The following FAM110B variants were observed in gnomAD, a reference collection of about 807,000 sequenced individuals.
FAM110B encodes family with sequence similarity 110 member B.
In FAM110B, 6 loss-of-function variants were observed where a neutral mutation model predicts 20.4. The observed-to-expected ratio is 0.29, with a 90% CI of 0.16 to 0.58. The LOEUF is 0.58. FAM110B is among the 20% of genes least tolerant of loss of function. FAM110B has a pLI of 0.90. For missense variants in FAM110B, 434 were observed against 498.2 expected, an observed-to-expected ratio of 0.87 and a Z score of 1.23; for synonymous variants, 226 against 214.1, an observed-to-expected ratio of 1.06 and a Z score of -0.49.
Position 58,014,784 on chromosome 8 carries a change from C to T in FAM110B, c.-511-16822C>T, listed in dbSNP as rs538409317. On this transcript the variant is annotated intron_variant, in intron 1 of 3. Transcript: ENST00000519262. ...GGTTTTGGGGTTATCGTTTATTAAA[C>T]ATTTTGGACATCTGGAAGCAAACCT... 6.6e-5 allele frequency among the ~76,000 whole-genome samples: 10 copies of T among 151,782 alleles called. No individual in the cohort carries two copies. In the South Asian group the frequency reaches 2.1e-3, roughly 32 times the overall value.
chr8:58,033,965 G>C (rs951539073), intron 2 of FAM110B, among the ~76,000 whole-genome samples: 1 of 151,900 alleles, frequency 6.6e-6, no homozygotes, highest in Non-Finnish European at 1.5e-5. Flanking sequence ...CTCCCCACGC[G>C]CCCTTGGAAT....
chr8:58,033,489 T>A (rs1281048272), intron 2 of FAM110B, among the ~76,000 whole-genome samples: 1 of 152,246 alleles, frequency 6.6e-6, no homozygotes, highest in Admixed American at 6.5e-5. Context: ...TCACAGTGTC[T>A]AAACTAATTT....
intron 3 of FAM110B, among the ~76,000 whole-genome samples, chr8:58,106,042 T>C (rs1806904843): frequency 6.6e-6 from 1 of 152,240 alleles, no homozygotes; most frequent in Admixed American, 6.5e-5. Context: ...CAAAAGTGTC[T>C]AGTGAATTTG....
intron 1 of FAM110B, among the ~76,000 whole-genome samples, chr8:58,028,318 T>C (rs1450404581): frequency 1.3e-5 from 2 of 152,146 alleles, no homozygotes; most frequent in Non-Finnish European, 2.9e-5. Flanking sequence ...TCAGCCAGGC[T>C]GGTCTTGAAC....
intron 1 of FAM110B, among the ~76,000 whole-genome samples, chr8:58,030,871 A>G (rs1329835469): frequency 6.6e-6 from 1 of 152,180 alleles, no homozygotes; most frequent in Non-Finnish European, 1.5e-5. Flanking sequence ...TCGTCCCAGT[A>G]TCTCCAAGTG....
In FAM110B at chr8:58,104,312, C is replaced by A. The variant is rs150101747; in HGVS notation, c.-325+28689C>A. On this transcript the variant is annotated intron_variant, in intron 3 of 3. Coordinates refer to ENST00000519262, the MANE Select transcript of FAM110B (RefSeq NM_001377989.1). ...ATCTAATAAAGAGGTTTGCAGAGCA[C>A]CTGAGAGCAGCTAAGATCCCAAGAC... Among the ~76,000 whole-genome samples the A allele has an allele frequency of 2.2e-3, 338 of 152,262 alleles. 2 individuals carry two copies. The highest frequency in any genetic ancestry group is 5.3e-3 in the African/African-American group (219 of 41,558).
intron 3 of FAM110B, among the ~76,000 whole-genome samples, chr8:58,083,639 C>A (rs1448386657): frequency 1.3e-5 from 2 of 152,148 alleles, no homozygotes; most frequent in Non-Finnish European, 2.9e-5. Context: ...GCCCACACTC[C>A]AGGGCCAATG....
chr8:58,133,979 A>G (rs1409594767), intron 3 of FAM110B, among the ~76,000 whole-genome samples: 6 of 152,254 alleles, frequency 3.9e-5, no homozygotes, highest in African/African-American at 7.2e-5. Flanking sequence ...TTAACATTCT[A>G]GGCTTGAAAA....
intron 1 of FAM110B, among the ~76,000 whole-genome samples, chr8:58,012,484 A>G (rs1804558199): frequency 6.6e-6 from 1 of 152,060 alleles, no homozygotes; most frequent in Non-Finnish European, 1.5e-5. Flanking sequence ...GGTGAGAAAA[A>G]ATATTTGTGT....
Position 58,097,297 on chromosome 8 carries a change from A to G in FAM110B, c.-325+21674A>G, listed in dbSNP as rs184680221. 1.1e-4 allele frequency among the ~76,000 whole-genome samples: 16 copies of G among 152,286 alleles called. No homozygotes were observed. The East Asian group carries it at 3.1e-3, about 29-fold the overall frequency. ...CACACTTTATTTCATTAAGTTAAAC[A>G]TCAGTCTCTGATATCCTTTATTCTG... is the stretch of plus-strand genomic sequence containing the variant. On this transcript the variant is annotated intron_variant, in intron 3 of 3. Coordinates refer to ENST00000519262, the MANE Select transcript of FAM110B (RefSeq NM_001377989.1).
intron 1 of FAM110B, among the ~76,000 whole-genome samples, chr8:58,004,950 T>G (rs184955693): frequency 4.6e-5 from 7 of 152,348 alleles, no homozygotes; most frequent in African/African-American, 1.7e-4. Flanking sequence ...TGTTTTGCTT[T>G]CTCATCCTTT....
Position 58,130,011 on chromosome 8 carries a change from A to G in FAM110B, c.-324-15896A>G, listed in dbSNP as rs147603352. ...CATGTTCCTTTCTTCTTGCTTTGAAAGTAGAAGTTTCAAAGAAACATAGAA... is the reference window on the plus strand; with the variant it reads ...CATGTTCCTTTCTTCTTGCTTTGAAGGTAGAAGTTTCAAAGAAACATAGAA... On this transcript the variant is annotated intron_variant, in intron 3 of 3. Transcript: ENST00000519262. Among the ~76,000 whole-genome samples, 133 of 152,166 alleles carry G rather than the reference A, an allele frequency of 8.7e-4. 2 individuals carry two copies. In the East Asian group the frequency reaches 0.024, roughly 27 times the overall value.
At chr8:58,109,521 G>GT (rs968706444) in intron 3 of FAM110B, among the ~76,000 whole-genome samples, 1 of 152,106 alleles carries the variant, frequency 6.6e-6, no homozygotes, top group African/African-American at 2.4e-5. Flanking sequence ...TCCTGCACAA[G>GT]TTTTTTTCTT....
At chr8:58,092,372 T>C (rs1437874333) in intron 3 of FAM110B, among the ~76,000 whole-genome samples, 1 of 152,168 alleles carries the variant, frequency 6.6e-6, no homozygotes, top group African/African-American at 2.4e-5. Flanking sequence ...ATTAGGTATT[T>C]CTCCTAATGC....
At chr8:58,131,335 C>G (rs947994195) in intron 3 of FAM110B, among the ~76,000 whole-genome samples, 1 of 152,054 alleles carries the variant, frequency 6.6e-6, no homozygotes, top group African/African-American at 2.4e-5. Context: ...ACTGCAGCCT[C>G]GAACCCCTGG....
chr8:58,100,844 A>G (rs1426059857), intron 3 of FAM110B: 3 of 152,148 alleles, frequency 2.0e-5, no homozygotes, highest in African/African-American at 7.2e-5. Flanking sequence ...ATTTTGGAAG[A>G]CCCAATTCAA....
intron 3 of FAM110B, among the ~76,000 whole-genome samples, chr8:58,093,639 TG>T (rs1806542825): frequency 6.6e-6 from 1 of 152,248 alleles, no homozygotes; most frequent in South Asian, 2.1e-4. Context: ...CATGCTGTTT[TG>T]GTTACTGTAG....
Position 58,031,659 on chromosome 8 carries a change from A to G in FAM110B, c.-458A>G, listed in dbSNP as rs765330428. Reference sequence around the variant, plus strand: ...CATTCTTGTTCTGTCTACGTCTTGAATTAGAAACTATCAAGCTCTGTAAGT... The same window carrying G: ...CATTCTTGTTCTGTCTACGTCTTGAGTTAGAAACTATCAAGCTCTGTAAGT... On this transcript the variant is annotated 5_prime_UTR_variant, in exon 2 of 4. Coordinates refer to ENST00000519262, the MANE Select transcript of FAM110B (RefSeq NM_001377989.1). 6.6e-6 allele frequency: 1 copy of G among 152,182 alleles called. No individual in the cohort carries two copies. The highest frequency in any genetic ancestry group is 1.5e-5 in the Non-Finnish European group (1 of 68,016). 9.4% of individuals were successfully genotyped at this position (152,182 alleles called of 1,614,324 possible).
chr8:58,134,218 C>A (rs1042924172), intron 3 of FAM110B, among the ~76,000 whole-genome samples: 3 of 152,132 alleles, frequency 2.0e-5, no homozygotes, highest in Admixed American at 1.3e-4. Context: ...GAAAATAATT[C>A]TAGGTGTTTT....
Sources: allele counts gnomAD v4.1 joint callset (sites outside exome capture counted in the v4.1 genomes callset), GRCh38; gene constraint gnomAD v4.1.1; transcripts MANE v1.5; gene names NCBI Gene and HGNC (gene_info 2026-07-23, HGNC 2026-07-21).